Variants in GABRR1 observed in about 807,000 individuals in gnomAD.
GABRR1 encodes the protein gamma-aminobutyric acid receptor subunit rho-1.
Under a neutral mutation model 55.5 loss-of-function variants are expected in GABRR1, and 59 were observed. The ratio of observed to expected loss-of-function variants is 1.06; its 90% CI spans 0.86 to 1.32. The LOEUF (loss-of-function observed/expected upper bound fraction) is 1.32, where lower values mean the gene tolerates loss of function less well. Ranked by LOEUF, GABRR1 falls within the 40% of genes most tolerant of loss-of-function variation. GABRR1 has a pLI of 0.00. For missense variants in GABRR1, 602 were observed against 619.1 expected, an observed-to-expected ratio of 0.97 and a Z score of 0.29; for synonymous variants, 213 against 226.0, an observed-to-expected ratio of 0.94 and a Z score of 0.51.
Position 89,185,410 on chromosome 6 carries a change from C to T in GABRR1, c.696G>A (p.Lys232=). Residue 232 remains lysine (K), a synonymous_variant, in exon 7 of 10, where the codon AAG becomes AAA. Coordinates refer to ENST00000454853, the MANE Select transcript of GABRR1 (RefSeq NM_002042.5). ...TEDDLMLYWK[K]GNDSLKTDER... ...CATCTGTCTTTAAGGAGTCATTGCC[C>T]TTTTTCCAGTACAGCATGAGGTCAT... The T allele has an allele frequency of 6.2e-7, 1 of 1,613,596 alleles. No homozygotes were observed. Among genetic ancestry groups the T allele is most frequent in the Non-Finnish European group, 8.5e-7 (1 of 1,179,662 alleles).
At chr6:89,226,459 A>T (rs1161142462) in intron 1 of GABRR1, among the ~76,000 whole-genome samples, 2 of 151,188 alleles carry the variant, frequency 1.3e-5, no homozygotes, top group Admixed American at 1.3e-4. Flanking sequence ...TAAGGAAGGG[A>T]TCCAGTTTCA....
intron 3 of GABRR1, among the ~76,000 whole-genome samples, chr6:89,199,751 T>A (rs1772405931): frequency 6.6e-6 from 1 of 152,218 alleles, no homozygotes; most frequent in African/African-American, 2.4e-5. Context: ...TTATTCTCTA[T>A]ATTTGCCTTC....
chr6:89,189,876 C>G (rs1772030753), intron 6 of GABRR1, among the ~76,000 whole-genome samples: 1 of 152,004 alleles, frequency 6.6e-6, no homozygotes, highest in Non-Finnish European at 1.5e-5. Context: ...GAAACCCTGT[C>G]TCTACTAAAA....
intron 6 of GABRR1, 139 bp downstream of exon 6, chr6:89,190,026 A>T (rs910176975): frequency 6.4e-6 from 3 of 465,128 alleles, no homozygotes; most frequent in Non-Finnish European, 1.1e-5. Context: ...AGCCCAGGCG[A>T]CAGTGTGAGA....
chr6:89,188,522 C>A (rs1388830480), intron 6 of GABRR1, among the ~76,000 whole-genome samples: 1 of 152,166 alleles, frequency 6.6e-6, no homozygotes, highest in Non-Finnish European at 1.5e-5. Context: ...TGTTGAACAT[C>A]TTTTCATGTG....
chr6:89,218,373 T>G (rs1773055990), upstream of GABRR1, among the ~76,000 whole-genome samples: 1 of 152,246 alleles, frequency 6.6e-6, no homozygotes. Flanking sequence ...TCGGGTTATT[T>G]GAAATGCAGT....
intron 5 of GABRR1, among the ~76,000 whole-genome samples, chr6:89,196,286 T>C (rs1772269313): frequency 6.6e-6 from 1 of 152,328 alleles, no homozygotes; most frequent in African/African-American, 2.4e-5. Flanking sequence ...ACGTCCTTTA[T>C]GTCAGTGATG....
rs1305008995 is a variant in GABRR1, at chr6:89,230,645, G to A, written c.-411+571C>T. ...TCTCAGATCTCCAGCTGCGTGCTGGGAGAACCACTGCTCTCTTCAAAGCTG... is the reference window on the plus strand; with the variant it reads ...TCTCAGATCTCCAGCTGCGTGCTGGAAGAACCACTGCTCTCTTCAAAGCTG... On this transcript the variant is annotated intron_variant, in intron 1 of 11. Coordinates refer to the GABRR1 transcript ENST00000369451. Among the ~76,000 whole-genome samples, 540 of 151,688 alleles carry A rather than the reference G, an allele frequency of 3.6e-3. 10 individuals carry two copies. Among genetic ancestry groups the A allele is most frequent in the East Asian group, 8.7e-3 (45 of 5,146 alleles).
intron 2 of GABRR1, among the ~76,000 whole-genome samples, chr6:89,202,591 C>T (rs917688151): frequency 6.6e-6 from 1 of 152,058 alleles, no homozygotes; most frequent in African/African-American, 2.4e-5. Context: ...CCACACCTGG[C>T]CAGGTGTTGC....
In GABRR1 at chr6:89,198,222, G is replaced by A. The variant is rs756197103; in HGVS notation, c.370C>T (p.Leu124=). Reference sequence around the variant, plus strand: ...CTCTCGTCCTTCCAGTAGTGCCTCAGGTAGAGGGTCATCGTAAAGTCCTGG... The same window carrying A: ...CTCTCGTCCTTCCAGTAGTGCCTCAAGTAGAGGGTCATCGTAAAGTCCTGG... ...VDMDFTMTLY[L]RHYWKDERLS... The change falls in exon 5 of 10, where the codon CTG becomes TTG. Residue 124 remains leucine (L), a synonymous_variant. Coordinates refer to ENST00000454853, the MANE Select transcript of GABRR1 (RefSeq NM_002042.5). The A allele has an allele frequency of 6.2e-7, 1 of 1,613,904 alleles. No individual in the cohort carries two copies. The highest frequency in any genetic ancestry group is 8.5e-7 in the Non-Finnish European group (1 of 1,179,966).
At chr6:89,229,356 C>T (rs1773246695) in intron 1 of GABRR1, among the ~76,000 whole-genome samples, 1 of 151,804 alleles carries the variant, frequency 6.6e-6, no homozygotes, top group Non-Finnish European at 1.5e-5. Context: ...TCTTCCTAGT[C>T]TCGATGGTCT....
In GABRR1 at chr6:89,178,925, G is replaced by T. The variant is rs771132769; in HGVS notation, c.1285C>A (p.Leu429Met). 1.9e-6 allele frequency: 3 copies of T among 1,614,212 alleles called. No individual in the cohort carries two copies. In the South Asian group the frequency reaches 3.3e-5, roughly 18 times the overall value. Reference protein sequence around the residue: ...KPDRMMVQLTLASERSSPQRK... With the variant: ...KPDRMMVQLTMASERSSPQRK... The stretch of plus-strand genomic sequence containing the variant: ...TGTGGGGAGCTCCTCTCTGAGGCCA[G>T]GGTCAGCTGCACCATCATCCTGTCG... The change falls in exon 10 of 10, where the codon CTG becomes ATG. Residue 429 changes from leucine to methionine, a missense_variant. Physicochemically the swap from Leu to Met is conservative, Grantham distance 15 (BLOSUM62 2). This residue lies in a region of GABRR1 where 139 missense variants were observed against 141.1 expected (regional missense o/e 0.99). Coordinates refer to ENST00000454853, the MANE Select transcript of GABRR1 (RefSeq NM_002042.5).
intron 5 of GABRR1, among the ~76,000 whole-genome samples, chr6:89,195,825 T>C (rs1043310552): frequency 1.3e-5 from 2 of 152,254 alleles, no homozygotes; most frequent in African/African-American, 4.8e-5. Context: ...TTCCTAATTC[T>C]GCATTTAGTG....
At chr6:89,187,721 T>C (rs1410161456) in intron 6 of GABRR1, among the ~76,000 whole-genome samples, 1 of 152,206 alleles carries the variant, frequency 6.6e-6, no homozygotes, top group Non-Finnish European at 1.5e-5. Context: ...CATCATACAG[T>C]ATTTGTCTTT....
chr6:89,223,155 C>G (rs1291402601), intron 1 of GABRR1, among the ~76,000 whole-genome samples: 1 of 151,972 alleles, frequency 6.6e-6, no homozygotes, highest in Non-Finnish European at 1.5e-5. Context: ...ATCACCCAAA[C>G]AATATATACT....
chr6:89,217,466 C>G (rs1773025158), upstream of GABRR1: 3 of 911,260 alleles, frequency 3.3e-6, no homozygotes, highest in South Asian at 5.6e-5. Context: ...AGGATGCAAT[C>G]TGGAGAGCAG....
At chr6:89,198,360 G>T in intron 4 of GABRR1, 117 bp from the exon 5 acceptor site, 1 of 726,286 alleles carries the variant, frequency 1.4e-6, no homozygotes, top group Non-Finnish European at 2.4e-6. Context: ...ACCAAGAGAG[G>T]TTTTGCTTCT....
At chr6:89,198,606 G>C (rs192158756) in intron 4 of GABRR1, among the ~76,000 whole-genome samples, 4 of 152,078 alleles carry the variant, frequency 2.6e-5, no homozygotes, top group Non-Finnish European at 5.9e-5. Context: ...GAGAGAAGGC[G>C]GTGGATACAT....
chr6:89,178,537 G>A lies in GABRR1; in HGVS notation c.*233C>T, dbSNP rs528619575. ...AACTAACATCAGTCGCTACAGTGTC[G>A]TATTTCCTGCAGCACCTAATATAAT... is the stretch of plus-strand genomic sequence containing the variant. On this transcript the variant is annotated 3_prime_UTR_variant, in exon 10 of 10. Transcript: ENST00000454853. 27 of 534,924 alleles carry A rather than the reference G, an allele frequency of 5.0e-5. No individual in the cohort carries two copies. Among genetic ancestry groups the A allele is most frequent in the African/African-American group, 1.5e-4 (8 of 52,684 alleles). 33.1% of individuals were successfully genotyped at this position (534,924 alleles called of 1,614,324 possible).
Sources: allele counts gnomAD v4.1 joint callset (sites outside exome capture counted in the v4.1 genomes callset), GRCh38; gene constraint gnomAD v4.1.1; regional missense constraint gnomAD v4.1.1; transcripts MANE v1.5; gene names NCBI Gene and HGNC (gene_info 2026-07-23, HGNC 2026-07-21).